The following RBFOX1 variants were observed in gnomAD, a reference collection of about 807,000 sequenced individuals.
The protein encoded by RBFOX1 is RNA binding fox-1 homolog 1.
In RBFOX1, 8 loss-of-function variants were observed where a neutral mutation model predicts 57.7. That is an observed-to-expected ratio of 0.14 (90% confidence interval 0.08 to 0.25). RBFOX1 has a LOEUF of 0.25. Ranked by LOEUF, RBFOX1 falls within the 10% of genes least tolerant of loss-of-function variation. The pLI is 1.00. For synonymous variants in RBFOX1, 326 were observed against 222.4 expected (o/e 1.47, Z -4.15); for missense variants, 611 against 548.5 (o/e 1.11, Z -1.14).
intron 3 of RBFOX1, among the ~76,000 whole-genome samples, chr16:6,817,974 C>T (rs369785153): frequency 2.8e-4 from 43 of 152,218 alleles, no homozygotes; most frequent in African/African-American, 9.4e-4. Context: ...TGGTTTTAAA[C>T]GCAGGCCTGC....
chr16:5,452,855 G>T (rs148939223), intron 1 of RBFOX1, among the ~76,000 whole-genome samples: 2,577 of 151,930 alleles, frequency 0.017, 28 homozygotes, highest in Middle Eastern at 0.032. Flanking sequence ...GGCTGGCCTC[G>T]AGTTCCTGAT....
intron 3 of RBFOX1, among the ~76,000 whole-genome samples, chr16:5,790,859 A>ATTTTTTTTTTTT (rs1157751312): frequency 1.8e-5 from 2 of 112,958 alleles, no homozygotes; most frequent in Non-Finnish European, 3.7e-5. Context: ...GTGGGTCTTT[A>ATTTTTTTTTTTT]TTTTTTTTTT....
chr16:6,262,089 A>G (rs902664224), intron 1 of RBFOX1, among the ~76,000 whole-genome samples: 1 of 152,096 alleles, frequency 6.6e-6, no homozygotes, highest in African/African-American at 2.4e-5. Flanking sequence ...GGTGAAACGT[A>G]GAGATGACAA....
chr16:7,012,188 T>G (rs1053661760), intron 3 of RBFOX1, among the ~76,000 whole-genome samples: 9 of 152,194 alleles, frequency 5.9e-5, no homozygotes, highest in Non-Finnish European at 1.2e-4. Flanking sequence ...CACTGAATGC[T>G]GGGAGCTCTT....
intron 3 of RBFOX1, among the ~76,000 whole-genome samples, chr16:6,845,438 T>A (rs1373198977): frequency 1.3e-5 from 2 of 152,144 alleles, no homozygotes; most frequent in African/African-American, 4.8e-5. Context: ...AAATAGAGAA[T>A]CCTTTCCCCA....
intron 4 of RBFOX1, among the ~76,000 whole-genome samples, chr16:5,970,319 T>G (rs989141959): frequency 1.3e-5 from 2 of 152,194 alleles, no homozygotes; most frequent in Non-Finnish European, 2.9e-5. Flanking sequence ...AGAGACTATA[T>G]GGCCATCATT....
intron 3 of RBFOX1, among the ~76,000 whole-genome samples, chr16:5,756,316 T>TAATAGGAA (rs1360832336): frequency 6.7e-5 from 10 of 150,174 alleles, no homozygotes; most frequent in Non-Finnish European, 1.5e-5. Flanking sequence ...GTGTGATAAT[T>TAATAGGAA]AATAGGAAAA....
intron 3 of RBFOX1, among the ~76,000 whole-genome samples, chr16:6,785,938 A>G (rs534635789): frequency 6.6e-5 from 10 of 152,346 alleles, no homozygotes; most frequent in South Asian, 6.2e-4. Context: ...CCTTGTGTAC[A>G]TGCATGTGAC....
intron 4 of RBFOX1, among the ~76,000 whole-genome samples, chr16:5,901,354 C>T (rs563663294): frequency 3.9e-5 from 6 of 152,130 alleles, no homozygotes; most frequent in African/African-American, 9.7e-5. Context: ...CACCTTGCAC[C>T]CTGTAGCTGG....
intron 4 of RBFOX1, among the ~76,000 whole-genome samples, chr16:5,909,006 A>T (rs2058546575): frequency 1.3e-5 from 2 of 151,886 alleles, no homozygotes; most frequent in African/African-American, 4.8e-5. Flanking sequence ...CATCCTCCAG[A>T]ACTGTGAGAA....
intron 4 of RBFOX1, chr16:7,304,532 C>T (rs2096124703): frequency 2.0e-6 from 2 of 985,290 alleles, no homozygotes; most frequent in Non-Finnish European, 2.4e-6. Context: ...GGGGCTGGGC[C>T]AGATGGGTCC....
intron 3 of RBFOX1, among the ~76,000 whole-genome samples, chr16:6,950,906 CTT>C (rs200209463): frequency 1.2e-4 from 18 of 151,094 alleles, no homozygotes; most frequent in East Asian, 1.9e-4. Context: ...CTCTTTCTTT[CTT>C]TCTCTCTTTT....
chr16:6,213,811 T>G (rs988022645), intron 1 of RBFOX1, among the ~76,000 whole-genome samples: 3 of 152,196 alleles, frequency 2.0e-5, no homozygotes, highest in Admixed American at 1.3e-4. Context: ...GCCAGGGTTC[T>G]CAACCTCATC....
intron 4 of RBFOX1, among the ~76,000 whole-genome samples, chr16:7,299,999 AAGATTGG>A (rs2095993330): frequency 6.6e-6 from 1 of 152,196 alleles, no homozygotes; most frequent in Non-Finnish European, 1.5e-5. Flanking sequence ...CTTATGCAAT[AAGATTGG>A]AAGGAGCGGG....
intron 4 of RBFOX1, among the ~76,000 whole-genome samples, chr16:7,362,396 A>G (rs536155141): frequency 2.8e-5 from 4 of 144,662 alleles, no homozygotes; most frequent in African/African-American, 1.0e-4. Context: ...TGTGTGTGTG[A>G]TTGTGTGTAT....
chr16:7,166,738 T>C (rs1189601225), intron 4 of RBFOX1, among the ~76,000 whole-genome samples: 1 of 152,040 alleles, frequency 6.6e-6, no homozygotes, highest in Non-Finnish European at 1.5e-5. Flanking sequence ...CAAGGCAGAC[T>C]TCAGCAGCAT....
chr16:6,886,123 G>A (rs2063972268), intron 3 of RBFOX1, among the ~76,000 whole-genome samples: 1 of 149,190 alleles, frequency 6.7e-6, no homozygotes, highest in African/African-American at 2.5e-5. Context: ...GTGCAGTGAC[G>A]TGATCTCGGC....
intron 3 of RBFOX1, among the ~76,000 whole-genome samples, chr16:6,818,744 C>A (rs561585941): frequency 3.3e-4 from 51 of 152,256 alleles, no homozygotes; most frequent in African/African-American, 1.2e-3. Context: ...AGAAAAAGCC[C>A]CAAGCTTCAC....
At chr16:7,196,751 A>G (rs554363320) in intron 4 of RBFOX1, among the ~76,000 whole-genome samples, 197 of 152,234 alleles carry the variant, frequency 1.3e-3, no homozygotes, top group African/African-American at 4.6e-3. Flanking sequence ...AGGTTTGCGG[A>G]AAGAAGGGAA....
Sources: allele counts gnomAD v4.1 joint callset (sites outside exome capture counted in the v4.1 genomes callset), GRCh38; gene constraint gnomAD v4.1.1; transcripts MANE v1.5; gene names NCBI Gene and HGNC (gene_info 2026-07-23, HGNC 2026-07-21).